Variants in CRACDL observed in about 807,000 individuals in gnomAD.
CRACDL encodes the protein CRACD-like protein.
CRACDL carries 26 observed loss-of-function variants against 70.6 expected under a neutral mutation model. The observed-to-expected ratio is 0.37, with a 90% CI of 0.27 to 0.51. The LOEUF (loss-of-function observed/expected upper bound fraction) is 0.51, where lower values mean the gene tolerates loss of function less well. Ranked by LOEUF, CRACDL falls within the 20% of genes least tolerant of loss-of-function variation. CRACDL has a pLI of 0.94. For synonymous variants in CRACDL, 618 were observed against 615.2 expected (o/e 1.00, Z -0.07); for missense variants, 1,283 against 1,376.9 (o/e 0.93, Z 1.08).
chr2:98,897,484 G>A, intron 1 of CRACDL: 1 of 943,556 alleles, frequency 1.1e-6, no homozygotes. Context: ...GACTTCTGCT[G>A]AAACAGATGA....
chr2:98,818,174 C>G (rs936136948), intron 7 of CRACDL, among the ~76,000 whole-genome samples: 1 of 152,168 alleles, frequency 6.6e-6, no homozygotes, highest in Non-Finnish European at 1.5e-5. Flanking sequence ...TTACTTCCTA[C>G]GACAGATCAG....
intron 7 of CRACDL, among the ~76,000 whole-genome samples, chr2:98,815,045 T>TG (rs1046704153): frequency 3.7e-4 from 54 of 147,248 alleles, no homozygotes; most frequent in African/African-American, 1.3e-3. Context: ...ATAGCTTCTA[T>TG]TTTTTTTTTA....
intron 1 of CRACDL, among the ~76,000 whole-genome samples, chr2:98,852,593 T>A (rs952324738): frequency 2.6e-5 from 4 of 151,986 alleles, no homozygotes; most frequent in African/African-American, 7.2e-5. Context: ...AGCCATAATA[T>A]ATAAAAAGAT....
At chr2:98,849,315 T>G (rs1372530403) in intron 1 of CRACDL, among the ~76,000 whole-genome samples, 1 of 152,134 alleles carries the variant, frequency 6.6e-6, no homozygotes, top group Non-Finnish European at 1.5e-5. Context: ...GGAGAAACCA[T>G]GATGTTACGC....
Position 98,823,047 on chromosome 2 carries a change from C to G in CRACDL, c.1226G>C (p.Gly409Ala). 1 of 1,541,210 alleles carries G rather than the reference C, an allele frequency of 6.5e-7. No individual in the cohort carries two copies. Among genetic ancestry groups the G allele is most frequent in the Non-Finnish European group, 8.8e-7 (1 of 1,142,502 alleles). ...GTCAGTCTCGGGGGGAGTCGTGTCC[C>G]CCTCAGGGATGGCGGTGGGAAACGG... is the stretch of plus-strand genomic sequence containing the variant. ...ASPFPTAIPE[G>A]DTTPPETDPA... The change falls in exon 7 of 10, where the codon GGG (glycine) becomes GCG (alanine). Residue 409 changes from glycine (G) to alanine (A), a missense_variant. By Grantham distance (60) the Gly-to-Ala change is moderately conservative. Coordinates refer to ENST00000397899, the MANE Select transcript of CRACDL (RefSeq NM_207362.3). The surrounding 1 kb of genome is among the most constrained non-coding windows in gnomAD (Gnocchi z 4.0).
At chr2:98,795,049 AT>A (rs759037672) in intron 9 of CRACDL, among the ~76,000 whole-genome samples, 708 of 18,080 alleles carry the variant, frequency 0.039, 144 homozygotes, top group African/African-American at 0.084. Flanking sequence ...AAATATATAT[AT>A]ATATATATAT....
intron 1 of CRACDL, among the ~76,000 whole-genome samples, chr2:98,891,549 C>T (rs11123756): frequency 0.4 from 60,342 of 151,674 alleles, 12,969 homozygotes; most frequent in African/African-American, 0.56. Context: ...TGGGGATATG[C>T]TAATTATATG....
intron 1 of CRACDL, among the ~76,000 whole-genome samples, chr2:98,848,011 T>A (rs1229410782): frequency 1.3e-5 from 2 of 152,184 alleles, no homozygotes; most frequent in Non-Finnish European, 2.9e-5. Flanking sequence ...GTTCATACAA[T>A]TTGGCTTCAA....
Position 98,794,642 on chromosome 2 carries a change from G to T in CRACDL, c.2779C>A (p.Leu927Met). ...TAACTGGCTCTCTTCAGCTGATGCA[G>T]TTCCTTCTCCATCATCACTGCAGAC... ...AQSAVMMEKELHQLKRASYAS... is the reference protein window; with the variant it reads ...AQSAVMMEKEMHQLKRASYAS... The change falls in exon 10 of 10, where the codon CTG (leucine) becomes ATG (methionine). Residue 927 changes from leucine to methionine, a missense_variant. Leu to Met is a conservative substitution (Grantham distance 15). Coordinates refer to ENST00000397899, the MANE Select transcript of CRACDL (RefSeq NM_207362.3). 1 of 1,613,808 alleles carries T rather than the reference G, an allele frequency of 6.2e-7. No individual in the cohort carries two copies. The highest frequency in any genetic ancestry group is 8.5e-7 in the Non-Finnish European group (1 of 1,179,738).
At position 98,795,077 on chromosome 2, in the gene CRACDL, A is replaced by ATATTTTTTTTTTTTTTTT; in HGVS notation, c.2750-407_2750-406insAAAAAAAAAAAAAAAATA. ...TATATATATATATATATATATATAT[A>ATATTTTTTTTTTTTTTTT]TTTTTTTTTTTTTTTGAGACAGAAG... On this transcript the variant is annotated intron_variant, in intron 9 of 9. Transcript: ENST00000397899. Among the ~76,000 whole-genome samples, 16 of 58,484 alleles carry ATATTTTTTTTTTTTTTTT rather than the reference A, an allele frequency of 2.7e-4. 1 individual carries two copies. The highest frequency in any genetic ancestry group is 7.3e-4 in the African/African-American group (11 of 15,094). 38.4% of individuals were successfully genotyped at this position (58,484 alleles called of 152,430 possible). A position where few individuals can be genotyped will look rare whatever the true frequency, so the allele number is the denominator to read the frequency against.
chr2:98,863,173 C>T, intron 1 of CRACDL, among the ~76,000 whole-genome samples: 1 of 152,078 alleles, frequency 6.6e-6, no homozygotes, highest in East Asian at 1.9e-4. Flanking sequence ...TTGTGACATA[C>T]AACAGATCTG....
At chr2:98,865,979 CT>C (rs1707122645) in intron 1 of CRACDL, among the ~76,000 whole-genome samples, 1 of 151,766 alleles carries the variant, frequency 6.6e-6, no homozygotes, top group African/African-American at 2.4e-5. Flanking sequence ...CCACTCACCT[CT>C]GCCTCCCACC....
chr2:98,879,057 G>A (rs1254490709), intron 1 of CRACDL, among the ~76,000 whole-genome samples: 5 of 152,176 alleles, frequency 3.3e-5, no homozygotes, highest in East Asian at 1.9e-4. Flanking sequence ...CGCTGCCCTG[G>A]CAACCTGCTC....
At chr2:98,851,719 A>G (rs1228802822) in intron 1 of CRACDL, among the ~76,000 whole-genome samples, 1 of 152,230 alleles carries the variant, frequency 6.6e-6, no homozygotes, top group African/African-American at 2.4e-5. Flanking sequence ...AAGTGCCAAC[A>G]TAGATTCTAA....
At chr2:98,833,061 A>G in intron 3 of CRACDL, 64 bp from the exon 4 acceptor site, 2 of 1,462,264 alleles carry the variant, frequency 1.4e-6, no homozygotes, top group South Asian at 2.5e-5. Flanking sequence ...TGGGGGGCTC[A>G]GAATGAGAAA....
At chr2:98,828,023 G>A (rs1366623814) in intron 5 of CRACDL, among the ~76,000 whole-genome samples, 3 of 152,200 alleles carry the variant, frequency 2.0e-5, no homozygotes, top group African/African-American at 7.2e-5. Flanking sequence ...TAAGTTACAG[G>A]TATTTTACTC....
chr2:98,797,239 C>T (rs187636612), intron 8 of CRACDL, 111 bp downstream of exon 8: 19 of 973,088 alleles, frequency 2.0e-5, no homozygotes, highest in Non-Finnish European at 2.6e-5. Flanking sequence ...TCACAGGTGA[C>T]GGTCCCTGTG....
intron 2 of CRACDL, among the ~76,000 whole-genome samples, chr2:98,841,020 G>A (rs1217457474): frequency 6.6e-6 from 1 of 152,076 alleles, no homozygotes; most frequent in African/African-American, 2.4e-5. Flanking sequence ...CATAATGCAA[G>A]TATTCCAAAA....
At chr2:98,800,070 A>G (rs892282619) in intron 7 of CRACDL, among the ~76,000 whole-genome samples, 1 of 152,170 alleles carries the variant, frequency 6.6e-6, no homozygotes, top group Non-Finnish European at 1.5e-5. Context: ...TCCTAGCCAG[A>G]GCCCAGCATT....
Sources: allele counts gnomAD v4.1 joint callset (sites outside exome capture counted in the v4.1 genomes callset), GRCh38; gene constraint gnomAD v4.1.1; non-coding constraint Gnocchi (gnomAD v3.1); transcripts MANE v1.5; gene names NCBI Gene and HGNC (gene_info 2026-07-23, HGNC 2026-07-21).